TRPS1: variants seen among roughly 807,000 people sequenced by gnomAD.
The protein encoded by TRPS1 is zinc finger transcription factor Trps1.
A neutral mutation model predicts 101.2 loss-of-function variants in TRPS1; 6 were observed. That is an observed-to-expected ratio of 0.06 (90% CI 0.03 to 0.12). The LOEUF (loss-of-function observed/expected upper bound fraction) is 0.12. Among genes scored for constraint, TRPS1 ranks in the 10% least tolerant of loss-of-function variants. The probability of loss-of-function intolerance (pLI) is 1.00; values close to 1 mark genes in which losing one functional copy is unlikely to be tolerated. For missense variants in TRPS1, 1,363 were observed against 1,567.0 expected (o/e 0.87, Z 2.20); for synonymous variants, 578 against 589.8 (o/e 0.98, Z 0.29).
intron 5 of TRPS1, among the ~76,000 whole-genome samples, chr8:115,557,956 C>T (rs1429779885): frequency 6.6e-6 from 1 of 152,040 alleles, no homozygotes; most frequent in African/African-American, 2.4e-5. Context: ...AACACTACTA[C>T]TTGTAACGTT....
At chr8:115,504,524 T>C (rs1376786990) in intron 5 of TRPS1, among the ~76,000 whole-genome samples, 4 of 152,234 alleles carry the variant, frequency 2.6e-5, no homozygotes, top group African/African-American at 7.2e-5. Flanking sequence ...CACAACCTAA[T>C]GCACCCAACT....
intron 5 of TRPS1, among the ~76,000 whole-genome samples, chr8:115,466,427 T>C (rs1362162579): frequency 2.6e-5 from 4 of 152,196 alleles, no homozygotes; most frequent in Admixed American, 2.6e-4. Context: ...TTTCCCTAAA[T>C]GTAGAGAGAG....
At chr8:115,421,849 G>GGTTACTGGCA (rs1563719820) in intron 5 of TRPS1, among the ~76,000 whole-genome samples, 1 of 152,176 alleles carries the variant, frequency 6.6e-6, no homozygotes, top group Non-Finnish European at 1.5e-5. Context: ...GACACAGTAA[G>GGTTACTGGCA]GGATTTCCTT....
chr8:115,476,868 G>A (rs1204925450), intron 5 of TRPS1, among the ~76,000 whole-genome samples: 3 of 151,972 alleles, frequency 2.0e-5, no homozygotes, highest in Non-Finnish European at 4.4e-5. Context: ...AAAGAATATC[G>A]CCCTCCAATT....
intron 1 of TRPS1, among the ~76,000 whole-genome samples, chr8:115,632,835 AAG>A (rs1426615449): frequency 6.6e-6 from 1 of 152,166 alleles, no homozygotes; most frequent in Non-Finnish European, 1.5e-5. Context: ...AGGACGAAGA[AAG>A]AGACCAGGAG....
chr8:115,453,098 T>A (rs773533700), intron 5 of TRPS1, among the ~76,000 whole-genome samples: 12 of 151,988 alleles, frequency 7.9e-5, no homozygotes, highest in Non-Finnish European at 1.5e-4. Flanking sequence ...CTCGGCTCAC[T>A]GCAACCTCCG....
intron 3 of TRPS1, among the ~76,000 whole-genome samples, chr8:115,612,045 GAAGA>G (rs1586457465): frequency 6.7e-6 from 1 of 149,226 alleles, no homozygotes; most frequent in African/African-American, 2.5e-5. Flanking sequence ...TTAAAGGAAA[GAAGA>G]AAGAAAGGAA....
intron 1 of TRPS1, among the ~76,000 whole-genome samples, chr8:115,658,026 G>A (rs1811713272): frequency 1.3e-5 from 2 of 151,844 alleles, no homozygotes; most frequent in South Asian, 4.2e-4. Context: ...GGGAAGAGGG[G>A]TAGGAAGTTG....
chr8:115,478,760 C>T (rs927021850), intron 5 of TRPS1, among the ~76,000 whole-genome samples: 3 of 150,754 alleles, frequency 2.0e-5, no homozygotes, highest in Non-Finnish European at 2.9e-5. Context: ...GCCGAGATCA[C>T]GCCACTGCAC....
At chr8:115,635,635 T>C (rs1818750888) in intron 1 of TRPS1, among the ~76,000 whole-genome samples, 1 of 152,024 alleles carries the variant, frequency 6.6e-6, no homozygotes, top group South Asian at 2.1e-4. Context: ...CAAGGGGTTC[T>C]GGGGGTAAAA....
At chr8:115,585,538 T>G (rs181364592) in intron 5 of TRPS1, among the ~76,000 whole-genome samples, 1 of 152,252 alleles carries the variant, frequency 6.6e-6, no homozygotes, top group African/African-American at 2.4e-5. Flanking sequence ...TAATAAAACA[T>G]AGGACATTTC....
intron 5 of TRPS1, among the ~76,000 whole-genome samples, chr8:115,551,751 C>T (rs1816710171): frequency 6.6e-6 from 1 of 151,998 alleles, no homozygotes; most frequent in Non-Finnish European, 1.5e-5. Flanking sequence ...AATATGATTA[C>T]ATGGAATAAA....
At position 115,488,910 on chromosome 8, in the gene TRPS1, A is replaced by G. The variant is rs532527317; in HGVS notation, c.2701-70458T>C. ...AGGTTATGTATTAATATAGTTCAAT[A>G]CTTTCAAAACGTTCTCATAAAAAGT... On this transcript the variant is annotated intron_variant, in intron 5 of 6. Coordinates refer to ENST00000395715, the MANE Select transcript of TRPS1 (RefSeq NM_014112.5). Among the ~76,000 whole-genome samples, 3 of 152,314 alleles carry G rather than the reference A, an allele frequency of 2.0e-5. No homozygotes were observed. In the East Asian group the frequency reaches 5.8e-4, roughly 29 times the overall value.
chr8:115,409,453 T>C lies in TRPS1; in HGVS notation c.*4570A>G, dbSNP rs1812737429. The C allele has an allele frequency of 6.6e-6, 1 of 152,030 alleles. No individual in the cohort carries two copies. The highest frequency in any genetic ancestry group is 2.1e-4 in the South Asian group (1 of 4,830). The allele number at this position is 152,030 out of a possible 1,614,324, so 9.4% of individuals were successfully genotyped here. The stretch of plus-strand genomic sequence containing the variant: ...TTTCAAGAGAACACATGAATGTACA[T>C]TGTCTAGTTTCTCACGTGTGGATTA... On this transcript the variant is annotated 3_prime_UTR_variant, in exon 7 of 7. Coordinates refer to ENST00000395715, the MANE Select transcript of TRPS1 (RefSeq NM_014112.5).
intron 5 of TRPS1, among the ~76,000 whole-genome samples, chr8:115,498,230 T>G (rs989121084): frequency 1.4e-4 from 21 of 151,580 alleles, no homozygotes; most frequent in African/African-American, 4.8e-4. Flanking sequence ...ACACAAAAAA[T>G]TAGCCGGGCA....
intron 1 of TRPS1, among the ~76,000 whole-genome samples, chr8:115,630,727 C>T (rs1381910382): frequency 6.6e-6 from 1 of 152,006 alleles, no homozygotes; most frequent in Non-Finnish European, 1.5e-5. Flanking sequence ...CCTTTAAGTA[C>T]TATTATCATT....
At chr8:115,591,776 C>T (rs1817684487) in intron 4 of TRPS1, among the ~76,000 whole-genome samples, 1 of 152,116 alleles carries the variant, frequency 6.6e-6, no homozygotes, top group South Asian at 2.1e-4. Context: ...AAAAGGAAAA[C>T]ACATTTTAAC....
intron 1 of TRPS1, among the ~76,000 whole-genome samples, chr8:115,660,933 C>T (rs1376848216): frequency 2.0e-5 from 3 of 151,942 alleles, no homozygotes; most frequent in Non-Finnish European, 4.4e-5. Context: ...CAGAATCCAT[C>T]ACCCTAGGGA....
chr8:115,603,825 T>C (rs763704883), intron 4 of TRPS1, 48 bp downstream of exon 4: 3 of 1,606,262 alleles, frequency 1.9e-6, no homozygotes, highest in Admixed American at 3.4e-5. Flanking sequence ...GGATTTTTTC[T>C]ATTATTTTAT....
Sources: gnomAD v4.1 joint callset for allele counts (sites outside exome capture counted in the v4.1 genomes callset) on GRCh38, gnomAD v4.1.1 for gene constraint, MANE v1.5 for transcripts, NCBI Gene and HGNC (gene_info 2026-07-23, HGNC 2026-07-21) for gene names.